The following GAS2L3 variants were observed in gnomAD, a reference collection of about 807,000 sequenced individuals.
GAS2L3 encodes the protein growth arrest specific 2 like 3, also known as GAS2-like protein 3.
A neutral mutation model predicts 37.0 loss-of-function variants in GAS2L3; 28 were observed. That is an observed-to-expected ratio of 0.76 (90% CI 0.56 to 1.04). The LOEUF (loss-of-function observed/expected upper bound fraction) is 1.04. Among genes scored for constraint, GAS2L3 ranks in the 50% least tolerant of loss-of-function variants. The probability of loss-of-function intolerance (pLI) is 0.00; values close to 1 mark genes in which losing one functional copy is unlikely to be tolerated. For synonymous variants in GAS2L3, 290 were observed against 296.6 expected, an observed-to-expected ratio of 0.98 and a Z score of 0.23; for missense variants, 793 against 817.6, an observed-to-expected ratio of 0.97 and a Z score of 0.37.
intron 3 of GAS2L3, among the ~76,000 whole-genome samples, chr12:100,597,721 A>G (rs1955932034): frequency 6.6e-6 from 1 of 152,076 alleles, no homozygotes; most frequent in African/African-American, 2.4e-5. Flanking sequence ...AAAACAAAAA[A>G]AAAACTTGTT....
At chr12:100,585,448 G>A (rs569567879) in intron 1 of GAS2L3, among the ~76,000 whole-genome samples, 1 of 151,646 alleles carries the variant, frequency 6.6e-6, no homozygotes, top group Non-Finnish European at 1.5e-5. Context: ...TAGAGACGGG[G>A]TTTCACCATG....
intron 9 of GAS2L3, among the ~76,000 whole-genome samples, chr12:100,622,749 TAAAAAAAAAAAA>T: frequency 3.0e-4 from 8 of 26,840 alleles, no homozygotes; most frequent in African/African-American, 5.5e-4. Context: ...GTATCCATAG[TAAAAAAAAAAAA>T]AAAAAAAAAA....
At chr12:100,576,913 G>A (rs1183649222) in intron 1 of GAS2L3, among the ~76,000 whole-genome samples, 1 of 152,202 alleles carries the variant, frequency 6.6e-6, no homozygotes, top group Non-Finnish European at 1.5e-5. Context: ...TCAGTCATGT[G>A]CTGGATATTG....
chr12:100,599,490 C>T (rs1002863062), intron 3 of GAS2L3, among the ~76,000 whole-genome samples: 3 of 152,134 alleles, frequency 2.0e-5, no homozygotes, highest in Non-Finnish European at 4.4e-5. Flanking sequence ...TTAAAATGTA[C>T]AAACTATTCT....
chr12:100,618,742 G>T, intron 8 of GAS2L3, 155 bp downstream of exon 8: 1 of 592,508 alleles, frequency 1.7e-6, no homozygotes. Flanking sequence ...GATGAATTCA[G>T]GGCATTATAT....
rs1565805405 is a variant in GAS2L3, at chr12:100,601,699, A to G, written c.249A>G (p.Gln83=). The G allele has an allele frequency of 6.2e-7, 1 of 1,606,510 alleles. No homozygotes were observed. Among genetic ancestry groups the G allele is most frequent in the East Asian group, 2.2e-5 (1 of 44,554 alleles). The change falls in exon 5 of 10, where the codon CAA becomes CAG. Residue 83 remains glutamine (Q), a synonymous_variant. Coordinates refer to ENST00000547754, the MANE Select transcript of GAS2L3 (RefSeq NM_174942.3). ...EELDNGVLLC[Q]LIDVLQNMVK... The stretch of plus-strand genomic sequence containing the variant: ...TTGATAATGGAGTACTATTATGTCA[A>G]CTGATTGATGTTCTTCAAAACATGG...
At chr12:100,617,853 T>A in intron 7 of GAS2L3, 46 bp downstream of exon 7, 2 of 1,108,624 alleles carry the variant, frequency 1.8e-6, no homozygotes, top group Non-Finnish European at 2.7e-6. Flanking sequence ...ATAAACATTT[T>A]AAATCTACTG....
At position 100,588,182 on chromosome 12, in the gene GAS2L3, A is replaced by C. The variant is rs144161763; in HGVS notation, c.-151-3554A>C. Among the ~76,000 whole-genome samples the C allele has an allele frequency of 2.6e-4, 40 of 152,342 alleles. No individual in the cohort carries two copies. In the East Asian group the frequency reaches 6.8e-3, roughly 26 times the overall value. On this transcript the variant is annotated intron_variant, in intron 1 of 9. Transcript: ENST00000547754. Reference sequence around the variant, plus strand: ...GACTCCTCCAGAAAGCTCTTAGAACAGATAAAATATTGGGGGAACCCACCC... The same window carrying C: ...GACTCCTCCAGAAAGCTCTTAGAACCGATAAAATATTGGGGGAACCCACCC...
intron 6 of GAS2L3, among the ~76,000 whole-genome samples, chr12:100,614,881 G>A (rs943825897): frequency 3.3e-5 from 5 of 152,120 alleles, no homozygotes; most frequent in South Asian, 2.1e-4. Context: ...ATATTCCATC[G>A]TATAGATATG....
intron 1 of GAS2L3, among the ~76,000 whole-genome samples, chr12:100,586,403 T>C (rs990362727): frequency 3.9e-5 from 6 of 152,124 alleles, no homozygotes; most frequent in Non-Finnish European, 8.8e-5. Flanking sequence ...AGAGGAGTAA[T>C]ACTAGAAATC....
Position 100,624,078 on chromosome 12 carries a change from G to A in GAS2L3, c.1273G>A (p.Ala425Thr). Residue 425 changes from alanine to threonine, a missense_variant, in exon 10 of 10, where the codon GCA (alanine) becomes ACA (threonine). By Grantham distance (58) the Ala-to-Thr change is moderately conservative. Coordinates refer to ENST00000547754, the MANE Select transcript of GAS2L3 (RefSeq NM_174942.3). ...TTCTTCACCAGCTTTACCAAGAACT[G>A]CACCTTGTATATCTGAGTCACCGAG... Reference protein sequence around the residue: ...NTSSPALPRTAPCISESPRKC... With the variant: ...NTSSPALPRTTPCISESPRKC... 1 of 1,613,774 alleles carries A rather than the reference G, an allele frequency of 6.2e-7. No individual in the cohort carries two copies.
intron 1 of GAS2L3, among the ~76,000 whole-genome samples, chr12:100,575,378 A>T (rs533864579): frequency 6.6e-6 from 1 of 151,456 alleles, no homozygotes; most frequent in African/African-American, 2.4e-5. Context: ...GTGGATTACT[A>T]TTTATCAAAC....
At position 100,579,081 on chromosome 12, in the gene GAS2L3, T is replaced by C. The variant is rs555133104; in HGVS notation, c.-152+5296T>C. On this transcript the variant is annotated intron_variant, in intron 1 of 9. Transcript: ENST00000547754. ...ACCCTCTTTCACAGTCTGCCATTGC[T>C]CAAGTACATATTTGTTCAGGAGAGA... The C allele has an allele frequency of 2.2e-5, 16 of 737,284 alleles. No individual in the cohort carries two copies. The African/African-American group carries it at 2.4e-4, about 11-fold the overall frequency. The allele number at this position is 737,284 out of a possible 1,614,324, so 45.7% of individuals were successfully genotyped here.
At chr12:100,609,808 C>G (rs549140696) in intron 5 of GAS2L3, among the ~76,000 whole-genome samples, 1 of 152,290 alleles carries the variant, frequency 6.6e-6, no homozygotes, top group South Asian at 2.1e-4. Context: ...AAGCCTGGTT[C>G]TGCCTTCTGC....
In GAS2L3 at chr12:100,584,082, T is replaced by G. The variant is rs74811758; in HGVS notation, c.-151-7654T>G. ...TTTCACATTTCTCCTACAAAAACTG[T>G]TTCCTAAACTCCAGGCTTGAATACT... On this transcript the variant is annotated intron_variant, in intron 1 of 9. Coordinates refer to ENST00000547754, the MANE Select transcript of GAS2L3 (RefSeq NM_174942.3). 1.2e-4 allele frequency among the ~76,000 whole-genome samples: 18 copies of G among 152,274 alleles called. No homozygotes were observed. The East Asian group carries it at 3.5e-3, about 29-fold the overall frequency.
chr12:100,624,784 C>T lies in GAS2L3; in HGVS notation c.1979C>T (p.Ser660Leu). ...KTPASIRKPP[S>L]SVKDADSGDK... ...CCAGCTTCAATCAGGAAACCACCCTCATCTGTTAAGGATGCAGATAGTGGA... is the reference window on the plus strand; with the variant it reads ...CCAGCTTCAATCAGGAAACCACCCTTATCTGTTAAGGATGCAGATAGTGGA... Residue 660 changes from serine (S) to leucine (L), a missense_variant, in exon 10 of 10, where the codon TCA (serine) becomes TTA (leucine). Ser to Leu is a moderately radical substitution (Grantham distance 145). Transcript: ENST00000547754. 6.2e-7 allele frequency: 1 copy of T among 1,613,876 alleles called. No individual in the cohort carries two copies.
intron 1 of GAS2L3, chr12:100,579,326 C>A (rs748729789): frequency 4.2e-5 from 28 of 662,986 alleles, no homozygotes; most frequent in Non-Finnish European, 7.5e-5. Flanking sequence ...TACCGTACTA[C>A]GAGCGGCACT....
chr12:100,624,947 C>T lies in GAS2L3; in HGVS notation c.*57C>T. 1.5e-6 allele frequency: 2 copies of T among 1,322,104 alleles called. No homozygotes were observed. Among genetic ancestry groups the T allele is most frequent in the Non-Finnish European group, 2.1e-6 (2 of 958,638 alleles). 81.9% of individuals were successfully genotyped at this position (1,322,104 alleles called of 1,614,324 possible). A position where few individuals can be genotyped will look rare whatever the true frequency, so the allele number is the denominator to read the frequency against. On this transcript the variant is annotated 3_prime_UTR_variant, in exon 10 of 10. Transcript: ENST00000547754. ...AAGAATGAATGTGTTAGCTTCACAT[C>T]TTAAAAGTTTCTCCTATTTGTGTCT... is the stretch of plus-strand genomic sequence containing the variant.
chr12:100,593,526 G>A (rs1367482013), intron 2 of GAS2L3: 1 of 152,114 alleles, frequency 6.6e-6, no homozygotes, highest in Non-Finnish European at 1.5e-5. Flanking sequence ...CTTTGTGAAT[G>A]TGTCACTGTT....
Sources: gnomAD v4.1 joint callset for allele counts (sites outside exome capture counted in the v4.1 genomes callset) on GRCh38, gnomAD v4.1.1 for gene constraint, MANE v1.5 for transcripts, NCBI Gene and HGNC (gene_info 2026-07-23, HGNC 2026-07-21) for gene names.